Variants in CHST10 observed in about 807,000 individuals in gnomAD.
CHST10 encodes the protein carbohydrate sulfotransferase 10.
A neutral mutation model predicts 34.7 loss-of-function variants in CHST10; 24 were observed. The ratio of observed to expected loss-of-function variants is 0.69; its 90% CI spans 0.50 to 0.97. The LOEUF is 0.97. Among genes scored for constraint, CHST10 ranks in the 50% least tolerant of loss-of-function variants. CHST10 has a pLI of 0.00. For missense variants in CHST10, 402 were observed against 452.1 expected, an observed-to-expected ratio of 0.89 and a Z score of 1.00; for synonymous variants, 161 against 169.3, an observed-to-expected ratio of 0.95 and a Z score of 0.38.
intron 5 of CHST10, among the ~76,000 whole-genome samples, chr2:100,395,978 C>T (rs1675040463): frequency 6.6e-6 from 1 of 152,190 alleles, no homozygotes; most frequent in Admixed American, 6.5e-5. Context: ...ACACCAGCAA[C>T]ACTTACTCTA....
Position 100,406,556 on chromosome 2 carries a change from C to T in CHST10, c.100+20G>A. ...AGGTCTAAATTAGCCAAAATTCGTT[C>T]CACCATGAAGCATACGTACCATCTG... On this transcript the variant is annotated intron_variant, in intron 3 of 6. Transcript: ENST00000264249. 1 of 1,613,130 alleles carries T rather than the reference C, an allele frequency of 6.2e-7. No individual in the cohort carries two copies. Among genetic ancestry groups the T allele is most frequent in the Non-Finnish European group, 8.5e-7 (1 of 1,179,440 alleles).
chr2:100,410,958 T>TA (rs943145106), intron 2 of CHST10, among the ~76,000 whole-genome samples: 8 of 152,100 alleles, frequency 5.3e-5, no homozygotes, highest in Non-Finnish European at 5.9e-5. Context: ...TCCCATTTGT[T>TA]AAAAAAATCA....
intron 1 of CHST10, 38 bp downstream of exon 1, chr2:100,417,336 G>A (rs1676110212): frequency 2.9e-6 from 1 of 346,152 alleles, no homozygotes; most frequent in Admixed American, 3.8e-5. Flanking sequence ...AGGGGCCCAG[G>A]CGCTGAAACC....
chr2:100,410,682 G>C (rs1300475510), intron 2 of CHST10, among the ~76,000 whole-genome samples: 1 of 152,152 alleles, frequency 6.6e-6, no homozygotes, highest in Non-Finnish European at 1.5e-5. Flanking sequence ...CATTAACTGA[G>C]ACTAGAAAAC....
chr2:100,402,543 C>T, intron 4 of CHST10, 21 bp downstream of exon 4: 1 of 1,606,784 alleles, frequency 6.2e-7, no homozygotes, highest in Non-Finnish European at 8.5e-7. Context: ...AGGACAAGGA[C>T]CACGGCCTGG....
intron 4 of CHST10, among the ~76,000 whole-genome samples, chr2:100,399,968 C>G (rs752670658): frequency 6.6e-6 from 1 of 152,176 alleles, no homozygotes; most frequent in Non-Finnish European, 1.5e-5. Context: ...TCTCCTTGCT[C>G]TTACAAGAAC....
Position 100,398,092 on chromosome 2 carries a change from G to A in CHST10, c.243C>T (p.Tyr81=). 3 of 1,614,114 alleles carry A rather than the reference G, an allele frequency of 1.9e-6. No homozygotes were observed. Among genetic ancestry groups the A allele is most frequent in the Non-Finnish European group, 2.5e-6 (3 of 1,180,028 alleles). ...TTCTGATGAGTTCCAGGCGCTCCAT[G>A]TAGACCAGGGGCTGAACGAGCTGGC... ...PDSQLVQPLV[Y]MERLELIRNV... The change falls in exon 5 of 7, where the codon TAC becomes TAT. Residue 81 remains tyrosine, a synonymous_variant. Transcript: ENST00000264249.
chr2:100,399,966 C>T (rs1558637560), intron 4 of CHST10, among the ~76,000 whole-genome samples: 1 of 152,216 alleles, frequency 6.6e-6, no homozygotes, highest in Non-Finnish European at 1.5e-5. Flanking sequence ...ACTCTCCTTG[C>T]TCTTACAAGA....
chr2:100,402,492 G>A (rs1384698087), intron 4 of CHST10, 72 bp downstream of exon 4: 1 of 1,247,210 alleles, frequency 8.0e-7, no homozygotes, highest in Non-Finnish European at 1.2e-6. Context: ...ACCAGCCACA[G>A]GGGAAGGCCA....
At chr2:100,413,103 G>C (rs557369849) in intron 2 of CHST10, among the ~76,000 whole-genome samples, 1 of 152,158 alleles carries the variant, frequency 6.6e-6, no homozygotes, top group Non-Finnish European at 1.5e-5. Context: ...AGAGGACTGC[G>C]GCCTGACATA....
intron 5 of CHST10, 34 bp downstream of exon 5, chr2:100,397,874 C>G: frequency 6.4e-7 from 1 of 1,553,832 alleles, no homozygotes; most frequent in Admixed American, 1.7e-5. Flanking sequence ...CACCAAGACC[C>G]TTCCCAGTGG....
Position 100,392,936 on chromosome 2 carries a change from A to T in CHST10, c.*309T>A. The T allele has an allele frequency of 2.8e-6, 1 of 358,622 alleles. No homozygotes were observed. The highest frequency in any genetic ancestry group is 2.0e-5 in the African/African-American group (1 of 48,814). The allele number at this position is 358,622 out of a possible 1,614,324, so 22.2% of individuals were successfully genotyped here. A position where few individuals can be genotyped will look rare whatever the true frequency, so the allele number is the denominator to read the frequency against. ...AGGAAACGGCTCCTAACGCTGTGTG[A>T]TGCTTCCTCCCTGCTGGGCTGTCAA... On this transcript the variant is annotated 3_prime_UTR_variant, in exon 7 of 7. Transcript: ENST00000264249.
chr2:100,393,024 A>G lies in CHST10; in HGVS notation c.*221T>C. 1.7e-6 allele frequency: 1 copy of G among 585,382 alleles called. No individual in the cohort carries two copies. The allele number at this position is 585,382 out of a possible 1,614,324, so 36.3% of individuals were successfully genotyped here. On this transcript the variant is annotated 3_prime_UTR_variant, in exon 7 of 7. Coordinates refer to ENST00000264249, the MANE Select transcript of CHST10 (RefSeq NM_004854.5). ...GCAAAGGCCAGCGACATCCTAATGCACGCAGGGGTGTGGGCAGGGTCCTCA... is the reference window on the plus strand; with the variant it reads ...GCAAAGGCCAGCGACATCCTAATGCGCGCAGGGGTGTGGGCAGGGTCCTCA...
At chr2:100,410,586 G>T (rs549704848) in intron 2 of CHST10, among the ~76,000 whole-genome samples, 2 of 152,304 alleles carry the variant, frequency 1.3e-5, no homozygotes, top group East Asian at 3.9e-4. Flanking sequence ...CTCCCTGAGG[G>T]TCTCCAGGCT....
chr2:100,405,545 C>T (rs547489461), intron 3 of CHST10, among the ~76,000 whole-genome samples: 281 of 152,286 alleles, frequency 1.8e-3, no homozygotes, highest in Middle Eastern at 3.4e-3. Context: ...TGCCTGGGAG[C>T]TCTGTGAGGT....
chr2:100,410,512 T>C (rs938038941), intron 2 of CHST10, among the ~76,000 whole-genome samples: 5 of 152,198 alleles, frequency 3.3e-5, no homozygotes, highest in East Asian at 3.9e-4. Flanking sequence ...ACTGTGTCAA[T>C]TGAGCAACTT....
chr2:100,402,019 G>C (rs1159165009), intron 4 of CHST10, among the ~76,000 whole-genome samples: 1 of 152,202 alleles, frequency 6.6e-6, no homozygotes, highest in Non-Finnish European at 1.5e-5. Flanking sequence ...AGGTGCACAA[G>C]AAGCCTGCAG....
Position 100,415,884 on chromosome 2 carries a change from C to T in CHST10, c.-103-773G>A, listed in dbSNP as rs149586634. The T allele has an allele frequency of 1.2e-3, 178 of 152,004 alleles. 1 individual carries two copies. The highest frequency in any genetic ancestry group is 4.0e-3 in the African/African-American group (166 of 41,524). The allele number at this position is 152,004 out of a possible 1,614,324, so 9.4% of individuals were successfully genotyped here. On this transcript the variant is annotated intron_variant, in intron 1 of 6. Coordinates refer to ENST00000264249, the MANE Select transcript of CHST10 (RefSeq NM_004854.5). The stretch of plus-strand genomic sequence containing the variant: ...CACCTAGGCTATATGGTACAGCTGA[C>T]CACACACCTAGGCTATATGGAATCA...
intron 2 of CHST10, 55 bp downstream of exon 2, chr2:100,414,986 C>A: frequency 8.3e-7 from 1 of 1,205,792 alleles, no homozygotes; most frequent in Non-Finnish European, 1.1e-6. Context: ...AAGGCAGGAA[C>A]AATACTGAAT....
Sources: allele counts gnomAD v4.1 joint callset (sites outside exome capture counted in the v4.1 genomes callset), GRCh38; gene constraint gnomAD v4.1.1; transcripts MANE v1.5; gene names NCBI Gene and HGNC (gene_info 2026-07-23, HGNC 2026-07-21).